Variants in SYT9 observed in about 807,000 individuals in gnomAD.
SYT9 encodes the protein synaptotagmin 9, also known as synaptotagmin-9.
In SYT9, 22 loss-of-function variants were observed where a neutral mutation model predicts 48.4. The observed-to-expected ratio is 0.45, with a 90% CI of 0.32 to 0.65. SYT9 has a LOEUF of 0.65. SYT9 is among the 30% of genes least tolerant of loss of function. The pLI is 0.03. For synonymous variants in SYT9, 265 were observed against 245.0 expected, an observed-to-expected ratio of 1.08 and a Z score of -0.76; for missense variants, 577 against 622.0, an observed-to-expected ratio of 0.93 and a Z score of 0.77.
intron 3 of SYT9, among the ~76,000 whole-genome samples, chr11:7,381,145 A>G (rs570369418): frequency 6.6e-6 from 1 of 152,292 alleles, no homozygotes; most frequent in East Asian, 1.9e-4. Flanking sequence ...GTCTAAATCT[A>G]TCCAGATCAT....
intron 1 of SYT9, among the ~76,000 whole-genome samples, chr11:7,261,402 G>A: frequency 6.6e-6 from 1 of 152,126 alleles, no homozygotes; most frequent in Admixed American, 6.5e-5. Flanking sequence ...TATATTTATT[G>A]AGCATCTACT....
chr11:7,356,876 C>G (rs953342851), intron 3 of SYT9, among the ~76,000 whole-genome samples: 5 of 152,160 alleles, frequency 3.3e-5, no homozygotes, highest in African/African-American at 1.2e-4. Flanking sequence ...CTGCTATGTT[C>G]CAGGTTCCCT....
At chr11:7,446,554 C>A (rs556593706) in intron 6 of SYT9, among the ~76,000 whole-genome samples, 1 of 152,186 alleles carries the variant, frequency 6.6e-6, no homozygotes, top group African/African-American at 2.4e-5. Context: ...TGATCCCAAA[C>A]ATTAGCATGT....
intron 3 of SYT9, among the ~76,000 whole-genome samples, chr11:7,399,894 G>C (rs1333586418): frequency 2.0e-5 from 3 of 152,200 alleles, no homozygotes; most frequent in Non-Finnish European, 2.9e-5. Flanking sequence ...TTTTCTGATT[G>C]ATTTCACAAA....
At chr11:7,242,641 A>T (rs2005304) in intron 1 of SYT9, among the ~76,000 whole-genome samples, 30 of 152,132 alleles carry the variant, frequency 2.0e-4, no homozygotes, top group Non-Finnish European at 4.4e-5. Context: ...TTGTTTCCCA[A>T]TAAGAGCTTT....
chr11:7,283,153 A>G (rs756447501), intron 1 of SYT9, among the ~76,000 whole-genome samples: 4 of 148,046 alleles, frequency 2.7e-5, no homozygotes, highest in Non-Finnish European at 4.5e-5. Flanking sequence ...GTGTGTATAT[A>G]TATATATATA....
At chr11:7,396,586 T>C (rs1458356374) in intron 3 of SYT9, among the ~76,000 whole-genome samples, 1 of 152,124 alleles carries the variant, frequency 6.6e-6, no homozygotes, top group East Asian at 1.9e-4. Flanking sequence ...CTCCATGATG[T>C]TATTTCACTT....
rs1373992839 is a variant in SYT9 at position 7,466,799 on chromosome 11, G to A, written c.1475G>A (p.Ter492=). 1.2e-6 allele frequency: 2 copies of A among 1,612,608 alleles called. No homozygotes were observed. The highest frequency in any genetic ancestry group is 1.7e-6 in the Non-Finnish European group (2 of 1,179,642). The change falls in exon 7 of 7, where the codon TGA becomes TAA. Residue 492 remains the stop codon, a stop_retained_variant. Transcript: ENST00000318881. ...TGTTTTTTCTTCCTGCAGAAACGATGACCATGGGTAAGAGGACTGCTTGTG... is the reference window on the plus strand; with the variant it reads ...TGTTTTTTCTTCCTGCAGAAACGATAACCATGGGTAAGAGGACTGCTTGTG... ...AHWHSLVEKR[*]
chr11:7,274,810 A>G (rs150694700), intron 1 of SYT9, among the ~76,000 whole-genome samples: 2 of 152,240 alleles, frequency 1.3e-5, no homozygotes, highest in African/African-American at 4.8e-5. Context: ...GTTTTCCCTT[A>G]CAGGATGCAG....
At chr11:7,275,417 T>A (rs567992541) in intron 1 of SYT9, among the ~76,000 whole-genome samples, 1 of 152,334 alleles carries the variant, frequency 6.6e-6, no homozygotes, top group South Asian at 2.1e-4. Context: ...GTTGGAATCC[T>A]GCTGTGTTTG....
At chr11:7,312,421 A>G (rs1849154481) in intron 2 of SYT9, among the ~76,000 whole-genome samples, 1 of 152,198 alleles carries the variant, frequency 6.6e-6, no homozygotes, top group South Asian at 2.1e-4. Flanking sequence ...TGTTGAGCGA[A>G]TGCATACAAT....
At chr11:7,454,114 T>C (rs1051336402) in intron 6 of SYT9, 17 of 985,416 alleles carry the variant, frequency 1.7e-5, no homozygotes, top group Admixed American at 6.1e-5. Flanking sequence ...CAGTCACTTT[T>C]CTTTCCTTTC....
intron 1 of SYT9, among the ~76,000 whole-genome samples, chr11:7,288,140 C>T (rs570680609): frequency 1.2e-3 from 186 of 152,210 alleles, no homozygotes; most frequent in Middle Eastern, 3.4e-3. Flanking sequence ...ATGTAACTGT[C>T]AGGGGCCTGG....
chr11:7,245,359 T>G (rs1406357055), intron 1 of SYT9, among the ~76,000 whole-genome samples: 1 of 152,198 alleles, frequency 6.6e-6, no homozygotes, highest in African/African-American at 2.4e-5. Context: ...TGTATATCAT[T>G]CAGGGACATT....
rs1282681297 is a variant in SYT9, at chr11:7,410,417, G to A, written c.1045-5625G>A. ...TGTTGATTTTCTGTCTAGATGATTT[G>A]ACTAATGCTGAAAGTGGGGTGTTGA... On this transcript the variant is annotated intron_variant, in intron 3 of 6. Coordinates refer to ENST00000318881, the MANE Select transcript of SYT9 (RefSeq NM_175733.4). 2.0e-5 allele frequency among the ~76,000 whole-genome samples: 3 copies of A among 152,278 alleles called. No individual in the cohort carries two copies. In the East Asian group the frequency reaches 5.8e-4, roughly 29 times the overall value.
At chr11:7,299,957 G>A (rs1242646212) in intron 1 of SYT9, among the ~76,000 whole-genome samples, 1 of 152,126 alleles carries the variant, frequency 6.6e-6, no homozygotes, top group African/African-American at 2.4e-5. Flanking sequence ...GAGTTCAGAG[G>A]TCACATGGGG....
intron 3 of SYT9, among the ~76,000 whole-genome samples, chr11:7,359,774 G>T (rs1372188863): frequency 7.0e-6 from 1 of 142,352 alleles, no homozygotes; most frequent in Non-Finnish European, 1.6e-5. Context: ...TGAGTAGGTT[G>T]CGAAAATTTT....
At chr11:7,258,975 G>T (rs904620918) in intron 1 of SYT9, among the ~76,000 whole-genome samples, 13 of 151,994 alleles carry the variant, frequency 8.6e-5, no homozygotes, top group Non-Finnish European at 1.9e-4. Flanking sequence ...TGTATTACTA[G>T]TATCTGGGTT....
intron 3 of SYT9, among the ~76,000 whole-genome samples, chr11:7,333,752 C>T (rs1048144275): frequency 2.6e-5 from 4 of 152,094 alleles, no homozygotes; most frequent in African/African-American, 9.7e-5. Context: ...AGTTCTGGGT[C>T]AGGAAGTTAG....
Sources: allele counts gnomAD v4.1 joint callset (sites outside exome capture counted in the v4.1 genomes callset), GRCh38; gene constraint gnomAD v4.1.1; transcripts MANE v1.5; gene names NCBI Gene and HGNC (gene_info 2026-07-23, HGNC 2026-07-21).